RALGAPA1: variants seen among roughly 807,000 people sequenced by gnomAD.
The protein encoded by RALGAPA1 is Ral GTPase activating protein catalytic subunit alpha 1.
Under a neutral mutation model 269.6 loss-of-function variants are expected in RALGAPA1, and 52 were observed. The ratio of observed to expected loss-of-function variants is 0.19; its 90% CI spans 0.15 to 0.24. RALGAPA1 has a LOEUF of 0.24. Among genes scored for constraint, RALGAPA1 ranks in the 10% least tolerant of loss-of-function variants. The pLI, the probability that RALGAPA1 is intolerant of heterozygous loss-of-function variation, is 1.00. For synonymous variants in RALGAPA1, 817 were observed against 1,008.3 expected, an observed-to-expected ratio of 0.81 and a Z score of 3.60; for missense variants, 1,917 against 3,013.9, an observed-to-expected ratio of 0.64 and a Z score of 8.52.
chr14:35,758,733 T>C (rs146485106), intron 6 of RALGAPA1, among the ~76,000 whole-genome samples: 9 of 152,154 alleles, frequency 5.9e-5, no homozygotes, highest in Non-Finnish European at 8.8e-5. Flanking sequence ...CTGGGCAACA[T>C]AGCTTTGAGA....
intron 22 of RALGAPA1, 42 bp from the exon 23 acceptor site, chr14:35,674,751 C>T (rs772083899): frequency 1.9e-6 from 2 of 1,036,922 alleles, no homozygotes; most frequent in South Asian, 3.5e-5. Flanking sequence ...TTTCAGTGAA[C>T]TGAACATAAA....
At chr14:35,808,556 G>T (rs1033695341) in intron 1 of RALGAPA1, among the ~76,000 whole-genome samples, 174 bp downstream of exon 1, 7 of 152,160 alleles carry the variant, frequency 4.6e-5, no homozygotes, top group African/African-American at 1.7e-4. Context: ...AATCAGTGCT[G>T]CCAACTGCCA....
intron 40 of RALGAPA1, 124 bp downstream of exon 40, chr14:35,548,986 T>C: frequency 8.7e-7 from 1 of 1,153,848 alleles, no homozygotes; most frequent in Non-Finnish European, 1.2e-6. Context: ...AATTCAAATA[T>C]TAAATAGTGA....
chr14:35,728,362 C>T lies in RALGAPA1; in HGVS notation c.1736G>A (p.Trp579Ter). 2 of 1,547,974 alleles carry T rather than the reference C, an allele frequency of 1.3e-6. No homozygotes were observed. Among genetic ancestry groups the T allele is most frequent in the Non-Finnish European group, 1.7e-6 (2 of 1,151,186 alleles). ...VVQVSMDKKT[W>*]EQMLLVLLRV... is the part of the protein sequence containing the mutation. ...ACATAAAGGATAAAAATTTTTTTAC[C>T]AAGTCTTTTTGTCCATTGATACTTG... Residue 579 changes from tryptophan (W) to a stop codon, truncating the protein, a stop_gained and splice_region_variant, in exon 13 of 42, where the codon TGG becomes TAG. Coordinates refer to ENST00000680220, the MANE Select transcript of RALGAPA1 (RefSeq NM_001346249.2). LOFTEE classifies it high-confidence loss of function.
intron 26 of RALGAPA1, among the ~76,000 whole-genome samples, chr14:35,668,484 A>C (rs1424094687): frequency 6.8e-6 from 1 of 146,392 alleles, no homozygotes; most frequent in Non-Finnish European, 1.5e-5. Flanking sequence ...TTTTGTCTCA[A>C]AAAAAAAAAA....
rs1360813211 is a variant in RALGAPA1 at position 35,688,461 on chromosome 14, G to A, written c.3950C>T (p.Ala1317Val). The A allele has an allele frequency of 3.3e-6, 5 of 1,535,994 alleles. No homozygotes were observed. The highest frequency in any genetic ancestry group is 1.4e-5 in the African/African-American group (1 of 73,042). The change falls in exon 18 of 42, where the codon GCA (alanine) becomes GTA (valine). Residue 1317 changes from alanine (A) to valine (V), a missense_variant and splice_region_variant. Physicochemically the swap from Ala to Val is moderately conservative, Grantham distance 64 (BLOSUM62 0). Coordinates refer to ENST00000680220, the MANE Select transcript of RALGAPA1 (RefSeq NM_001346249.2). Reference protein sequence around the residue: ...HVMGYFGRKAAVNKEDMSQKL... With the variant: ...HVMGYFGRKAVVNKEDMSQKL... ...CTCTGCACACTGTTAGTGCTCACCT[G>A]CAGCTTTCCTTCCAAAATAGCCCAT... is the stretch of plus-strand genomic sequence containing the variant.
chr14:35,795,256 T>G (rs957790082), intron 1 of RALGAPA1, among the ~76,000 whole-genome samples: 3 of 151,838 alleles, frequency 2.0e-5, no homozygotes, highest in Admixed American at 1.3e-4. Flanking sequence ...CTCCATGAAT[T>G]AAGAAAGTGA....
At chr14:35,541,508 A>C (rs978815830) in intron 41 of RALGAPA1, among the ~76,000 whole-genome samples, 1 of 152,160 alleles carries the variant, frequency 6.6e-6, no homozygotes, top group African/African-American at 2.4e-5. Context: ...CCTTCAAAAT[A>C]CAAGGAGAAG....
At chr14:35,715,354 A>G (rs1018023743) in intron 16 of RALGAPA1, among the ~76,000 whole-genome samples, 20 of 151,410 alleles carry the variant, frequency 1.3e-4, no homozygotes, top group African/African-American at 4.9e-4. Context: ...TTCTTTCAGG[A>G]ATTATGTTTT....
At chr14:35,728,260 T>A (rs1289911650) in intron 13 of RALGAPA1, 102 bp downstream of exon 13, 1 of 1,076,140 alleles carries the variant, frequency 9.3e-7, no homozygotes, top group Non-Finnish European at 1.2e-6. Context: ...GCCTCTATAA[T>A]ACTGTAAACA....
chr14:35,693,034 C>T (rs951373671), intron 17 of RALGAPA1, among the ~76,000 whole-genome samples: 1 of 151,996 alleles, frequency 6.6e-6, no homozygotes, highest in Admixed American at 6.5e-5. Flanking sequence ...TCCAAAATTA[C>T]ACAACTACAA....
intron 32 of RALGAPA1, 117 bp downstream of exon 32, chr14:35,635,347 G>T: frequency 8.4e-7 from 1 of 1,184,500 alleles, no homozygotes; most frequent in Non-Finnish European, 1.1e-6. Flanking sequence ...AGCTAAATAT[G>T]TGTTCTTAGA....
At chr14:35,588,342 C>A (rs1361690944) in intron 37 of RALGAPA1, among the ~76,000 whole-genome samples, 1 of 152,136 alleles carries the variant, frequency 6.6e-6, no homozygotes, top group Non-Finnish European at 1.5e-5. Context: ...GCCCTTGTGA[C>A]TACTTTGAGG....
intron 41 of RALGAPA1, among the ~76,000 whole-genome samples, chr14:35,545,902 G>A (rs2054414044): frequency 1.3e-5 from 2 of 151,910 alleles, no homozygotes; most frequent in Admixed American, 1.3e-4. Context: ...TTAAAGGAGA[G>A]GTATTTGTAA....
intron 16 of RALGAPA1, among the ~76,000 whole-genome samples, chr14:35,719,183 CTGGGTGTG>C (rs2069142976): frequency 6.6e-6 from 1 of 152,126 alleles, no homozygotes; most frequent in Non-Finnish European, 1.5e-5. Flanking sequence ...ACAAAATTAG[CTGGGTGTG>C]GTGGCATATG....
intron 26 of RALGAPA1, 43 bp downstream of exon 26, chr14:35,671,346 T>A (rs759225430): frequency 6.7e-7 from 1 of 1,488,398 alleles, no homozygotes; most frequent in Admixed American, 2.1e-5. Context: ...AGTTGAATCC[T>A]GGCTAAAGTT....
At chr14:35,708,642 T>C (rs2068021210) in intron 16 of RALGAPA1, among the ~76,000 whole-genome samples, 1 of 152,176 alleles carries the variant, frequency 6.6e-6, no homozygotes, top group Admixed American at 6.5e-5. Context: ...CCTCACATAC[T>C]GTTGGTAAGA....
intron 21 of RALGAPA1, among the ~76,000 whole-genome samples, chr14:35,682,906 T>C (rs896569750): frequency 6.6e-6 from 1 of 152,150 alleles, no homozygotes; most frequent in Non-Finnish European, 1.5e-5. Context: ...AGGCAGGATA[T>C]GAAAACAGAG....
At chr14:35,744,970 T>C (rs1595401906) in intron 10 of RALGAPA1, among the ~76,000 whole-genome samples, 2 of 152,326 alleles carry the variant, frequency 1.3e-5, no homozygotes, top group East Asian at 1.9e-4. Context: ...AAAAAATTAA[T>C]ATCATCCAGA....
Sources: gnomAD v4.1 joint callset for allele counts (sites outside exome capture counted in the v4.1 genomes callset) on GRCh38, gnomAD v4.1.1 for gene constraint, MANE v1.5 for transcripts, NCBI Gene and HGNC (gene_info 2026-07-23, HGNC 2026-07-21) for gene names.